Variants in FOXN3 observed in about 807,000 individuals in gnomAD.
FOXN3 encodes forkhead box N3, also known as forkhead box protein N3.
In FOXN3, 7 loss-of-function variants were observed where a neutral mutation model predicts 38.4. The ratio of observed to expected loss-of-function variants is 0.18; its 90% confidence interval spans 0.10 to 0.34. FOXN3 has a LOEUF of 0.34. Ranked by LOEUF, FOXN3 falls within the 10% of genes least tolerant of loss-of-function variation. FOXN3 has a pLI of 1.00. For missense variants in FOXN3, 456 were observed against 613.4 expected, an observed-to-expected ratio of 0.74 and a Z score of 2.71; for synonymous variants, 230 against 242.2, an observed-to-expected ratio of 0.95 and a Z score of 0.47.
chr14:89,511,194 C>G (rs374681945), intron 1 of FOXN3, among the ~76,000 whole-genome samples: 1 of 12,660 alleles, frequency 7.9e-5, no homozygotes, highest in East Asian at 7.2e-4. Context: ...TCTTTCTTTT[C>G]TTTCTTTCTT....
chr14:89,597,669 T>C (rs1054715815), intron 1 of FOXN3, among the ~76,000 whole-genome samples: 7 of 152,244 alleles, frequency 4.6e-5, no homozygotes, highest in Admixed American at 6.5e-5. Flanking sequence ...GTGAATTGAA[T>C]CTTTCTTATT....
intron 2 of FOXN3, among the ~76,000 whole-genome samples, chr14:89,377,907 T>G (rs1192009489): frequency 1.3e-5 from 2 of 152,062 alleles, no homozygotes; most frequent in African/African-American, 4.8e-5. Context: ...TAAGAAGAGG[T>G]TTGGACACAG....
chr14:89,197,220 C>T (rs552539895), intron 4 of FOXN3, among the ~76,000 whole-genome samples: 51 of 152,058 alleles, frequency 3.4e-4, no homozygotes, highest in Non-Finnish European at 6.8e-4. Flanking sequence ...TATAAGAACA[C>T]GGGTAGGCTG....
chr14:89,500,065 C>T (rs1010473040), intron 1 of FOXN3, among the ~76,000 whole-genome samples: 1 of 152,098 alleles, frequency 6.6e-6, no homozygotes, highest in South Asian at 2.1e-4. Context: ...GTTGGCCAGG[C>T]TGGTCTCGAA....
chr14:89,286,383 G>C (rs1035115007), intron 3 of FOXN3, among the ~76,000 whole-genome samples: 1 of 152,136 alleles, frequency 6.6e-6, no homozygotes, highest in African/African-American at 2.4e-5. Flanking sequence ...CCAAACCAAC[G>C]GGGATGGGGT....
At chr14:89,207,695 T>G (rs1328450934) in intron 4 of FOXN3, among the ~76,000 whole-genome samples, 1 of 152,100 alleles carries the variant, frequency 6.6e-6, no homozygotes, top group Non-Finnish European at 1.5e-5. Flanking sequence ...GTAAAAAGTT[T>G]TAATGGGGAA....
chr14:89,295,429 C>A (rs1366157717), intron 3 of FOXN3, among the ~76,000 whole-genome samples: 1 of 152,172 alleles, frequency 6.6e-6, no homozygotes, highest in Non-Finnish European at 1.5e-5. Context: ...GCAGACGTCA[C>A]GTGAGCAGAG....
chr14:89,369,562 A>T (rs1021187324), intron 2 of FOXN3, among the ~76,000 whole-genome samples: 6 of 145,746 alleles, frequency 4.1e-5, no homozygotes, highest in Non-Finnish European at 9.2e-5. Context: ...TTTTTTTTTA[A>T]AAAAGAGGTT....
At chr14:89,473,085 C>T (rs563357694) in intron 1 of FOXN3, among the ~76,000 whole-genome samples, 29 of 152,108 alleles carry the variant, frequency 1.9e-4, no homozygotes, top group Non-Finnish European at 1.0e-4. Context: ...AGTGCAGTGG[C>T]GCGATCTCAG....
In FOXN3 at chr14:89,363,985, TATA is replaced by T. The variant is rs1457042637; in HGVS notation, c.544-13180_544-13178del. Among the ~76,000 whole-genome samples the T allele has an allele frequency of 8.9e-4, 83 of 93,458 alleles. 1 individual carries two copies. The highest frequency in any genetic ancestry group is 3.3e-3 in the African/African-American group (65 of 19,420). 61.3% of individuals were successfully genotyped at this position (93,458 alleles called of 152,430 possible). ...ATATATATATATATATATATATATA[TATA>T]ATATATATATATATTCTTCCATATC... On this transcript the variant is annotated intron_variant, in intron 2 of 5. Coordinates refer to ENST00000557258, the MANE Select transcript of FOXN3 (RefSeq NM_005197.4).
intron 3 of FOXN3, 82 bp downstream of exon 3, chr14:89,350,590 C>T: frequency 8.3e-7 from 1 of 1,197,712 alleles, no homozygotes; most frequent in Non-Finnish European, 1.1e-6. Context: ...CTCGTACGGC[C>T]TATTAAATTA....
intron 1 of FOXN3, among the ~76,000 whole-genome samples, chr14:89,570,215 G>A (rs1405807746): frequency 1.3e-5 from 2 of 152,080 alleles, no homozygotes; most frequent in African/African-American, 2.4e-5. Flanking sequence ...TAGCCAGGAT[G>A]GTCTCAATCC....
intron 4 of FOXN3, among the ~76,000 whole-genome samples, chr14:89,229,278 C>T (rs1454242222): frequency 1.3e-5 from 2 of 152,208 alleles, no homozygotes; most frequent in African/African-American, 4.8e-5. Context: ...ACAATTCAGA[C>T]TTAGTCAAAG....
At chr14:89,411,402 A>G (rs1397212608) in intron 2 of FOXN3, among the ~76,000 whole-genome samples, 3 of 152,120 alleles carry the variant, frequency 2.0e-5, no homozygotes, top group Non-Finnish European at 4.4e-5. Flanking sequence ...TGGGCAACTC[A>G]TGTCTGTTTA....
intron 1 of FOXN3, among the ~76,000 whole-genome samples, chr14:89,593,035 G>T (rs1038084579): frequency 6.9e-6 from 1 of 144,464 alleles, no homozygotes; most frequent in Non-Finnish European, 1.5e-5. Flanking sequence ...GGGAAAGAGG[G>T]AGGGAGGGAG....
intron 1 of FOXN3, among the ~76,000 whole-genome samples, chr14:89,422,236 C>T (rs1046003101): frequency 2.6e-5 from 4 of 152,190 alleles, no homozygotes; most frequent in South Asian, 2.1e-4. Flanking sequence ...TTCTCAAACT[C>T]GTGTATGCAT....
intron 1 of FOXN3, among the ~76,000 whole-genome samples, chr14:89,520,547 G>T (rs1894298055): frequency 6.6e-6 from 1 of 152,142 alleles, no homozygotes; most frequent in Non-Finnish European, 1.5e-5. Context: ...CTGAAATCTG[G>T]CTATACATAT....
chr14:89,285,529 A>C (rs1423316956), intron 3 of FOXN3, among the ~76,000 whole-genome samples: 3 of 150,424 alleles, frequency 2.0e-5, no homozygotes, highest in African/African-American at 7.5e-5. Context: ...AAAACAAAAA[A>C]AAAAAAAGAG....
rs375809224 is a variant in FOXN3, at chr14:89,611,762, T to C, written c.-15+7266A>G. The stretch of plus-strand genomic sequence containing the variant: ...CGGAGCTTGCAGTGAGCCGAGATCG[T>C]GCCACTGCACTCCAGCCTGGGCGAC... On this transcript the variant is annotated intron_variant, in intron 1 of 6. Transcript: ENST00000345097. Among the ~76,000 whole-genome samples the C allele has an allele frequency of 1.5e-3, 206 of 137,896 alleles. 2 individuals are homozygous for C. Among genetic ancestry groups the C allele is most frequent in the East Asian group, 0.014 (66 of 4,808 alleles). 90.5% of individuals were successfully genotyped at this position (137,896 alleles called of 152,430 possible).
Sources: allele counts gnomAD v4.1 joint callset (sites outside exome capture counted in the v4.1 genomes callset), GRCh38; gene constraint gnomAD v4.1.1; transcripts MANE v1.5; gene names NCBI Gene and HGNC (gene_info 2026-07-23, HGNC 2026-07-21).